MTF2: variants seen among roughly 807,000 people sequenced by gnomAD.
MTF2 encodes the protein metal response element binding transcription factor 2.
Under a neutral mutation model 79.5 loss-of-function variants are expected in MTF2, and 11 were observed. The ratio of observed to expected loss-of-function variants is 0.14; its 90% CI spans 0.09 to 0.23. The LOEUF is 0.23. Among genes scored for constraint, MTF2 ranks in the 10% least tolerant of loss-of-function variants. MTF2 has a pLI of 1.00. For synonymous variants in MTF2, 208 were observed against 232.8 expected, an observed-to-expected ratio of 0.89 and a Z score of 0.97; for missense variants, 486 against 711.2, an observed-to-expected ratio of 0.68 and a Z score of 3.60.
chr1:93,130,989 A>G (rs780337561), intron 11 of MTF2, among the ~76,000 whole-genome samples: 9 of 152,090 alleles, frequency 5.9e-5, no homozygotes, highest in Non-Finnish European at 1.2e-4. Flanking sequence ...ACACAGGATG[A>G]TGTGAAATAC....
intron 1 of MTF2, 47 bp downstream of exon 1, chr1:93,079,578 G>T (rs1470411231): frequency 4.3e-6 from 7 of 1,610,270 alleles, no homozygotes; most frequent in Middle Eastern, 1.6e-4. Flanking sequence ...GGAGATGGGG[G>T]TTGGGGGAAG....
At chr1:93,093,249 T>C (rs1402278228) in intron 1 of MTF2, among the ~76,000 whole-genome samples, 1 of 152,184 alleles carries the variant, frequency 6.6e-6, no homozygotes, top group Non-Finnish European at 1.5e-5. Context: ...TACATTTTTT[T>C]CTTATACAAC....
chr1:93,118,325 T>G lies in MTF2; in HGVS notation c.633-20T>G. 1 of 1,541,828 alleles carries G rather than the reference T, an allele frequency of 6.5e-7. No homozygotes were observed. ...TTAAGACAGGAATTTTAGTGTTAAC[T>G]TTTTTGTTTTTTTTAATAGCTGGTA... is the stretch of plus-strand genomic sequence containing the variant. On this transcript the variant is annotated intron_variant, in intron 6 of 14. Coordinates refer to ENST00000370298, the MANE Select transcript of MTF2 (RefSeq NM_007358.4).
At chr1:93,136,628 A>G (rs751070852) in intron 14 of MTF2, 42 bp from the exon 15 acceptor site, 1 of 1,516,520 alleles carries the variant, frequency 6.6e-7, no homozygotes, top group Non-Finnish European at 9.0e-7. Context: ...ATAGGATGCT[A>G]AAAAAGCTCA....
chr1:93,132,164 A>C (rs1363894090), intron 11 of MTF2, among the ~76,000 whole-genome samples: 1 of 152,168 alleles, frequency 6.6e-6, no homozygotes, highest in Non-Finnish European at 1.5e-5. Flanking sequence ...AAAGGTATGG[A>C]ATAGTCATCT....
At chr1:93,103,776 A>C (rs1450720742) in intron 1 of MTF2, among the ~76,000 whole-genome samples, 1 of 152,148 alleles carries the variant, frequency 6.6e-6, no homozygotes, top group Non-Finnish European at 1.5e-5. Context: ...GGGGTGGGGG[A>C]AACTGCATAG....
chr1:93,103,927 C>G (rs1655652891), intron 1 of MTF2, among the ~76,000 whole-genome samples: 1 of 152,072 alleles, frequency 6.6e-6, no homozygotes, highest in Non-Finnish European at 1.5e-5. Flanking sequence ...AAAGAAGATA[C>G]TGCTTTTACA....
At chr1:93,129,558 A>ATTTT (rs200494793) in intron 11 of MTF2, 110 bp downstream of exon 11, 79 of 447,972 alleles carry the variant, frequency 1.8e-4, no homozygotes, top group Non-Finnish European at 2.3e-4. Flanking sequence ...AGTTACTCTG[A>ATTTT]TTTTTTTTTT....
intron 1 of MTF2, among the ~76,000 whole-genome samples, chr1:93,102,669 T>G (rs1571227391): frequency 6.6e-6 from 1 of 151,930 alleles, no homozygotes; most frequent in East Asian, 1.9e-4. Flanking sequence ...AGAAATAGAG[T>G]GTGTGTTGTC....
At chr1:93,113,929 G>C (rs996294093) in intron 3 of MTF2, among the ~76,000 whole-genome samples, 3 of 151,900 alleles carry the variant, frequency 2.0e-5, no homozygotes, top group African/African-American at 7.3e-5. Context: ...ATTTGACTCT[G>C]CTGAAACAGA....
At chr1:93,121,231 A>G in intron 9 of MTF2, 1 of 960,386 alleles carries the variant, frequency 1.0e-6, no homozygotes, top group Non-Finnish European at 1.2e-6. Context: ...GCTGGTTTAC[A>G]GTCTTTTTTT....
At chr1:93,083,221 G>A (rs918069209) in intron 1 of MTF2, among the ~76,000 whole-genome samples, 7 of 152,116 alleles carry the variant, frequency 4.6e-5, no homozygotes, top group African/African-American at 1.7e-4. Flanking sequence ...AGAGAACTCA[G>A]TATCATGAGA....
intron 3 of MTF2, 74 bp downstream of exon 3, chr1:93,110,700 T>C: frequency 1.6e-6 from 2 of 1,216,160 alleles, no homozygotes; most frequent in Non-Finnish European, 2.4e-6. Context: ...TATTATGATG[T>C]TGTCTGTTGA....
chr1:93,119,542 C>T, intron 8 of MTF2, 141 bp downstream of exon 8: 1 of 596,900 alleles, frequency 1.7e-6, no homozygotes, highest in Middle Eastern at 4.5e-4. Context: ...TATCCTCATG[C>T]CTGATGTCAT....
At chr1:93,112,238 A>G (rs1304804980) in intron 3 of MTF2, among the ~76,000 whole-genome samples, 1 of 152,224 alleles carries the variant, frequency 6.6e-6, no homozygotes, top group Non-Finnish European at 1.5e-5. Flanking sequence ...GTTGCTATAA[A>G]AATGAATAAA....
intron 1 of MTF2, among the ~76,000 whole-genome samples, chr1:93,098,411 T>C (rs1655385780): frequency 6.6e-6 from 1 of 152,226 alleles, no homozygotes; most frequent in Non-Finnish European, 1.5e-5. Context: ...GCTATGTTCC[T>C]TGGTGGTATG....
chr1:93,136,097 T>C (rs951764110), intron 14 of MTF2, among the ~76,000 whole-genome samples: 6 of 152,226 alleles, frequency 3.9e-5, no homozygotes, highest in African/African-American at 1.4e-4. Flanking sequence ...ATTAAGTTCA[T>C]GAACATAGAG....
At chr1:93,102,591 C>CA (rs546464746) in intron 1 of MTF2, among the ~76,000 whole-genome samples, 2,870 of 144,934 alleles carry the variant, frequency 0.02, 103 homozygotes, top group African/African-American at 0.07. Context: ...GACCCTGTCT[C>CA]AAAAAAAAAA....
chr1:93,089,123 T>C (rs1654969444), intron 1 of MTF2, among the ~76,000 whole-genome samples: 1 of 152,248 alleles, frequency 6.6e-6, no homozygotes, highest in Non-Finnish European at 1.5e-5. Flanking sequence ...GTGGTTAAGC[T>C]ATTTTTAATT....
Sources: allele counts gnomAD v4.1 joint callset (sites outside exome capture counted in the v4.1 genomes callset), GRCh38; gene constraint gnomAD v4.1.1; transcripts MANE v1.5; gene names NCBI Gene and HGNC (gene_info 2026-07-23, HGNC 2026-07-21).